Variants in NBPF3 observed in about 807,000 individuals in gnomAD.
The protein encoded by NBPF3 is NBPF member 3.
In NBPF3, 57 loss-of-function variants were observed where a neutral mutation model predicts 78.1. The ratio of observed to expected loss-of-function variants is 0.73; its 90% CI spans 0.59 to 0.91. NBPF3 has a LOEUF of 0.91. NBPF3 is among the 40% of genes least tolerant of loss of function. NBPF3 has a pLI of 0.00. For synonymous variants in NBPF3, 182 were observed against 271.7 expected, an observed-to-expected ratio of 0.67 and a Z score of 3.25; for missense variants, 510 against 715.3, an observed-to-expected ratio of 0.71 and a Z score of 3.27.
At chr1:21,459,272 C>T (rs1489859037) in intron 2 of NBPF3, among the ~76,000 whole-genome samples, 2 of 152,148 alleles carry the variant, frequency 1.3e-5, no homozygotes, top group African/African-American at 4.8e-5. Context: ...CTTGAAGAAG[C>T]AGTAAGTTGG....
At chr1:21,472,559 C>G (rs530455318) in intron 5 of NBPF3, among the ~76,000 whole-genome samples, 60 of 152,350 alleles carry the variant, frequency 3.9e-4, no homozygotes, top group Admixed American at 9.8e-4. Flanking sequence ...ATGGGGGAGA[C>G]AGCTGCCAAA....
intron 2 of NBPF3, among the ~76,000 whole-genome samples, chr1:21,455,053 G>T (rs1404429259): frequency 6.6e-6 from 1 of 152,062 alleles, no homozygotes; most frequent in East Asian, 1.9e-4. Context: ...GTCAGCCAGG[G>T]GCCTCTCGCT....
intron 7 of NBPF3, among the ~76,000 whole-genome samples, chr1:21,473,912 T>G (rs1466573842): frequency 1.3e-5 from 2 of 152,214 alleles, no homozygotes; most frequent in Non-Finnish European, 2.9e-5. Context: ...CTGAACAATG[T>G]CCATGAAATT....
chr1:21,450,204 T>C (rs571611886), intron 2 of NBPF3, among the ~76,000 whole-genome samples: 14 of 152,336 alleles, frequency 9.2e-5, no homozygotes, highest in Middle Eastern at 3.4e-3. Context: ...ACTACAGATA[T>C]TGAAAGAGTT....
Position 21,445,007 on chromosome 1 carries a change from C to T in NBPF3, c.-80C>T. The stretch of plus-strand genomic sequence containing the variant: ...GAAGGTTCCTGGTGACCCAGGCTCT[C>T]ACCAGCCAATTGTCCCTTGCCGTCC... On this transcript the variant is annotated 5_prime_UTR_variant, in exon 2 of 15. Coordinates refer to ENST00000318249, the MANE Select transcript of NBPF3 (RefSeq NM_032264.6). 1 of 1,491,376 alleles carries T rather than the reference C, an allele frequency of 6.7e-7. No individual in the cohort carries two copies. Among genetic ancestry groups the T allele is most frequent in the Non-Finnish European group, 9.0e-7 (1 of 1,107,632 alleles). The allele number at this position is 1,491,376 out of a possible 1,614,324, so 92.4% of individuals were successfully genotyped here.
intron 2 of NBPF3, among the ~76,000 whole-genome samples, chr1:21,461,833 T>C (rs147842943): frequency 0.016 from 2,422 of 152,286 alleles, 28 homozygotes; most frequent in Non-Finnish European, 0.021. Context: ...AGTTTAAATA[T>C]TGGTCCCCTC....
chr1:21,438,366 G>T (rs946172270), upstream of NBPF3, among the ~76,000 whole-genome samples: 5 of 152,122 alleles, frequency 3.3e-5, no homozygotes, highest in Non-Finnish European at 7.4e-5. Context: ...CACCCGCTTC[G>T]GCCACCCAAA....
chr1:21,454,502 C>A (rs1322587247), intron 2 of NBPF3, among the ~76,000 whole-genome samples: 1 of 152,106 alleles, frequency 6.6e-6, no homozygotes, highest in Admixed American at 6.5e-5. Flanking sequence ...TTCCTCTAAG[C>A]CTTCCTAGAG....
rs915126556 is a variant in NBPF3, at chr1:21,477,723, C to A, written c.993-421C>A. Among the ~76,000 whole-genome samples the A allele has an allele frequency of 1.4e-4, 22 of 152,180 alleles. 1 individual carries two copies. The highest frequency in any genetic ancestry group is 6.5e-4 in the Admixed American group (10 of 15,294). On this transcript the variant is annotated intron_variant, in intron 8 of 14. Transcript: ENST00000318249. ...AATTGAAAAAATAAACATATTATAT[C>A]AAAATATTGTAAAAAGGGGACCCTT...
chr1:21,454,608 G>A (rs757035908), intron 2 of NBPF3, among the ~76,000 whole-genome samples: 5 of 152,048 alleles, frequency 3.3e-5, no homozygotes, highest in South Asian at 2.1e-4. Context: ...TGAATTGAAC[G>A]TAGTACCAAT....
chr1:21,471,918 A>G, intron 5 of NBPF3, 135 bp downstream of exon 5: 6 of 1,252,204 alleles, frequency 4.8e-6, no homozygotes, highest in Non-Finnish European at 6.9e-6. Context: ...CATAAGTGAC[A>G]TAACCAGGAC....
chr1:21,461,540 C>T (rs781192217), intron 2 of NBPF3, among the ~76,000 whole-genome samples: 6 of 152,134 alleles, frequency 3.9e-5, no homozygotes, highest in African/African-American at 1.2e-4. Flanking sequence ...GGCACGATCT[C>T]GGCTCTGCCT....
chr1:21,470,743 GC>G lies in NBPF3; in HGVS notation c.446+14del. 3 of 1,582,776 alleles carry G rather than the reference GC, an allele frequency of 1.9e-6. No individual in the cohort carries two copies. Among genetic ancestry groups the G allele is most frequent in the Non-Finnish European group, 1.7e-6 (2 of 1,157,158 alleles). Reference sequence around the variant, plus strand: ...CAAGCTGAGGAGCTCAGGTGAGTGGGCCCCCTGGGGTCAGGCAGGTGGGCAG... The same window carrying G: ...CAAGCTGAGGAGCTCAGGTGAGTGGGCCCCTGGGGTCAGGCAGGTGGGCAG... On this transcript the variant is annotated intron_variant, in intron 4 of 14. Coordinates refer to ENST00000318249, the MANE Select transcript of NBPF3 (RefSeq NM_032264.6).
chr1:21,466,051 A>G, intron 2 of NBPF3: 9 of 971,172 alleles, frequency 9.3e-6, no homozygotes, highest in Non-Finnish European at 1.1e-5. Context: ...TGTGTCCGGA[A>G]TGTGCCTAAC....
In NBPF3 at chr1:21,474,920, C is replaced by G. The variant is rs200692184; in HGVS notation, c.961C>G (p.Gln321Glu). ...TCCAGAAAATGAAAGTGATCATGAG[C>G]AAGAGGAAGAAAAAGGGCCAGTGTC... is the stretch of plus-strand genomic sequence containing the variant. Reference protein sequence around the residue: ...IIPENESDHEQEEEKGPVSPR... With the variant: ...IIPENESDHEEEEEKGPVSPR... Residue 321 changes from glutamine (Q) to glutamate (E), a missense_variant, in exon 8 of 15, where the codon CAA (glutamine) becomes GAA (glutamate). Around this residue, in one of 5 missense-constraint regions of NBPF3, gnomAD observed 440 missense variants for 478.2 expected, o/e 0.92. Transcript: ENST00000318249. The G allele has an allele frequency of 6.2e-7, 1 of 1,602,542 alleles. No homozygotes were observed. Among genetic ancestry groups the G allele is most frequent in the Non-Finnish European group, 8.5e-7 (1 of 1,172,624 alleles).
At chr1:21,463,030 C>T (rs927964873) in intron 2 of NBPF3, among the ~76,000 whole-genome samples, 1 of 152,156 alleles carries the variant, frequency 6.6e-6, no homozygotes, top group African/African-American at 2.4e-5. Flanking sequence ...AAATATTCTT[C>T]CCTTGTTTCT....
chr1:21,478,555 C>T (rs4654947), intron 9 of NBPF3, among the ~76,000 whole-genome samples: 110,738 of 152,218 alleles, frequency 0.73, 41,091 homozygotes, highest in South Asian at 0.9. Context: ...TGTCAGGACA[C>T]TGAACACAAG....
chr1:21,437,534 T>C (rs1569881800), upstream of NBPF3: 10 of 1,387,880 alleles, frequency 7.2e-6, no homozygotes, highest in Non-Finnish European at 9.6e-6. Context: ...CCTGAGCAGG[T>C]GCTGGGGAGG....
chr1:21,450,784 C>T (rs1453619886), intron 2 of NBPF3, among the ~76,000 whole-genome samples: 2 of 152,176 alleles, frequency 1.3e-5, no homozygotes, highest in African/African-American at 4.8e-5. Flanking sequence ...AAGTACAGGT[C>T]TTTGACATAA....
Sources: allele counts gnomAD v4.1 joint callset (sites outside exome capture counted in the v4.1 genomes callset), GRCh38; gene constraint gnomAD v4.1.1; regional missense constraint gnomAD v4.1.1; transcripts MANE v1.5; gene names NCBI Gene and HGNC (gene_info 2026-07-23, HGNC 2026-07-21).